The following ZNF33A variants were observed in gnomAD, a reference collection of about 807,000 sequenced individuals.
ZNF33A encodes the protein zinc finger protein 33A.
Under a neutral mutation model 15.9 loss-of-function variants are expected in ZNF33A, and 9 were observed. The ratio of observed to expected loss-of-function variants is 0.57; its 90% CI spans 0.34 to 0.99. The LOEUF (loss-of-function observed/expected upper bound fraction) is 0.99. Ranked by LOEUF, ZNF33A falls within the 50% of genes least tolerant of loss-of-function variation. The pLI is 0.02. For missense variants in ZNF33A, 843 were observed against 941.6 expected, an observed-to-expected ratio of 0.90 and a Z score of 1.37; for synonymous variants, 294 against 324.2, an observed-to-expected ratio of 0.91 and a Z score of 1.00.
Position 38,016,927 on chromosome 10 carries a change from C to T in ZNF33A, c.66C>T (p.Thr22=). ...VSFKDVTVGF[T]QEEWQHLDPS... The stretch of plus-strand genomic sequence containing the variant: ...TTAAAGATGTGACTGTGGGCTTCAC[C>T]CAGGAGGAGTGGCAGCACCTGGACC... Residue 22 remains threonine (T), a synonymous_variant, in exon 3 of 5, where the codon ACC becomes ACT. Coordinates refer to ENST00000432900, the MANE Select transcript of ZNF33A (RefSeq NM_006954.2). The T allele has an allele frequency of 1.4e-5, 22 of 1,613,884 alleles. No homozygotes were observed. Among genetic ancestry groups the T allele is most frequent in the Non-Finnish European group, 1.9e-5 (22 of 1,179,996 alleles).
intron 4 of ZNF33A, among the ~76,000 whole-genome samples, chr10:38,042,816 G>A (rs1222505996): frequency 4.6e-5 from 7 of 152,114 alleles, no homozygotes; most frequent in Admixed American, 2.6e-4. Context: ...GCCTCCCAAA[G>A]TGTTGGGATT....
Position 38,058,878 on chromosome 10 carries a change from C to A in ZNF33A, c.*2318C>A, listed in dbSNP as rs2472165. Reference sequence around the variant, plus strand: ...AAATGATACCAAGTCTCTACCATCTCTTTCAGAAAATAAAAGCAGAGATAA... The same window carrying A: ...AAATGATACCAAGTCTCTACCATCTATTTCAGAAAATAAAAGCAGAGATAA... On this transcript the variant is annotated 3_prime_UTR_variant, in exon 5 of 5. Transcript: ENST00000432900. 1 of 152,154 alleles carries A rather than the reference C, an allele frequency of 6.6e-6. No homozygotes were observed. Among genetic ancestry groups the A allele is most frequent in the African/African-American group, 2.4e-5 (1 of 41,442 alleles). The allele number at this position is 152,154 out of a possible 1,614,324, so 9.4% of individuals were successfully genotyped here.
In ZNF33A at chr10:38,056,352, A is replaced by G. The variant is rs1422619331; in HGVS notation, c.2228A>G (p.His743Arg). 6 of 1,614,050 alleles carry G rather than the reference A, an allele frequency of 3.7e-6. No homozygotes were observed. Among genetic ancestry groups the G allele is most frequent in the South Asian group, 1.1e-5 (1 of 91,092 alleles). ...GAACTTGCTCAACATCAGAGATCAC[A>G]TACAGGGGAAAAGCCCTATGAATGT... ...KSELAQHQRS[H>R]TGEKPYECNT... The change falls in exon 5 of 5, where the codon CAT (histidine) becomes CGT (arginine). Residue 743 changes from histidine (H) to arginine (R), a missense_variant. Coordinates refer to ENST00000432900, the MANE Select transcript of ZNF33A (RefSeq NM_006954.2).
chr10:38,020,188 A>T (rs565772018), intron 4 of ZNF33A, among the ~76,000 whole-genome samples: 3 of 152,364 alleles, frequency 2.0e-5, no homozygotes, highest in South Asian at 4.1e-4. Flanking sequence ...TAATTAAAAT[A>T]TAAACTGATA....
chr10:38,047,190 C>CAA (rs61278605), intron 4 of ZNF33A, among the ~76,000 whole-genome samples: 20,742 of 62,212 alleles, frequency 0.33, 2,951 homozygotes, highest in Middle Eastern at 0.37. Flanking sequence ...CCACCCCTGC[C>CAA]AAAAAAAAAA....
At chr10:38,032,443 A>G (rs923906432) in intron 4 of ZNF33A, among the ~76,000 whole-genome samples, 2 of 151,806 alleles carry the variant, frequency 1.3e-5, no homozygotes, top group African/African-American at 4.8e-5. Context: ...ATTCCTGACA[A>G]TTTTTTTTAC....
At chr10:38,036,226 T>TG (rs2065448009) in intron 4 of ZNF33A, among the ~76,000 whole-genome samples, 2 of 152,060 alleles carry the variant, frequency 1.3e-5, no homozygotes, top group South Asian at 4.1e-4. Flanking sequence ...GATTACCTGA[T>TG]GTCAGGAGTT....
intron 4 of ZNF33A, chr10:38,039,617 T>A: frequency 2.2e-6 from 1 of 452,376 alleles, no homozygotes; most frequent in South Asian, 1.6e-5. Context: ...TTGGTTTTAG[T>A]TGTTTTTGTT....
In ZNF33A at chr10:38,057,186, A is replaced by G; in HGVS notation, c.*626A>G. On this transcript the variant is annotated 3_prime_UTR_variant, in exon 5 of 5. Transcript: ENST00000432900. ...TTACGACTTTTACATTTGAGTAACC[A>G]TCAACACGATTAGTTTACAGAACTG... 1.0e-6 allele frequency: 1 copy of G among 981,740 alleles called. No homozygotes were observed. The highest frequency in any genetic ancestry group is 1.2e-6 in the Non-Finnish European group (1 of 826,434). 60.8% of individuals were successfully genotyped at this position (981,740 alleles called of 1,614,324 possible).
intron 1 of ZNF33A, among the ~76,000 whole-genome samples, chr10:38,011,631 A>C (rs567469069): frequency 2.0e-4 from 31 of 152,270 alleles, no homozygotes; most frequent in African/African-American, 7.5e-4. Flanking sequence ...TAGAAGAAAA[A>C]GATTTTTTTT....
At chr10:38,016,616 G>T (rs1310944357) in intron 2 of ZNF33A, among the ~76,000 whole-genome samples, 2 of 152,114 alleles carry the variant, frequency 1.3e-5, no homozygotes, top group Admixed American at 1.3e-4. Flanking sequence ...TTACCACTCT[G>T]TGTGTTCTTT....
intron 4 of ZNF33A, among the ~76,000 whole-genome samples, chr10:38,024,836 C>G (rs1250860596): frequency 6.6e-6 from 1 of 152,244 alleles, no homozygotes; most frequent in African/African-American, 2.4e-5. Flanking sequence ...TTGCACTGTC[C>G]TGTCCCAGGA....
intron 4 of ZNF33A, among the ~76,000 whole-genome samples, chr10:38,041,794 A>C (rs2135696946): frequency 6.6e-6 from 1 of 152,336 alleles, no homozygotes; most frequent in South Asian, 2.1e-4. Flanking sequence ...CATTTCAGAT[A>C]AGGGATACTC....
chr10:38,046,451 A>ACTG (rs2065949926), intron 4 of ZNF33A, among the ~76,000 whole-genome samples: 1 of 152,190 alleles, frequency 6.6e-6, no homozygotes. Flanking sequence ...TGTGCCCCAA[A>ACTG]CTGAGCACTG....
In ZNF33A at chr10:38,054,616, A is replaced by G. The variant is rs762434852; in HGVS notation, c.492A>G (p.Gly164=). ...ELVISKINYL[G]KKSDEFNACG... ...TTATCAGTAAGATAAACTATTTAGG[A>G]AAAAAGTCTGATGAATTTAATGCCT... Residue 164 remains glycine (G), a synonymous_variant, in exon 5 of 5, where the codon GGA becomes GGG. Coordinates refer to ENST00000432900, the MANE Select transcript of ZNF33A (RefSeq NM_006954.2). 8 of 1,612,456 alleles carry G rather than the reference A, an allele frequency of 5.0e-6. No individual in the cohort carries two copies. Among genetic ancestry groups the G allele is most frequent in the South Asian group, 1.1e-5 (1 of 90,568 alleles).
In ZNF33A at chr10:38,057,811, A is replaced by T; in HGVS notation, c.*1251A>T. The T allele has an allele frequency of 3.0e-6, 3 of 985,448 alleles. No homozygotes were observed. Among genetic ancestry groups the T allele is most frequent in the Non-Finnish European group, 3.6e-6 (3 of 830,006 alleles). 61.0% of individuals were successfully genotyped at this position (985,448 alleles called of 1,614,324 possible). A position where few individuals can be genotyped will look rare whatever the true frequency, so the allele number is the denominator to read the frequency against. On this transcript the variant is annotated 3_prime_UTR_variant, in exon 5 of 5. Transcript: ENST00000432900. ...TTTCTTTAAGCAGCTGCTCTCCAAG[A>T]CAGGGCCCTGGAAAGGCCCACACAT...
chr10:38,048,217 T>C (rs189283699), intron 4 of ZNF33A, among the ~76,000 whole-genome samples: 9 of 152,324 alleles, frequency 5.9e-5, no homozygotes, highest in Admixed American at 4.6e-4. Flanking sequence ...ACAGGAAATA[T>C]TGACTACTTG....
At chr10:38,062,442 C>CA (rs2066666131), downstream of ZNF33A, among the ~76,000 whole-genome samples, 1 of 152,194 alleles carries the variant, frequency 6.6e-6, no homozygotes, top group South Asian at 2.1e-4. Context: ...TGAAAAAAAT[C>CA]AAACTCAACA....
chr10:38,053,190 T>G (rs1479023378), intron 4 of ZNF33A, among the ~76,000 whole-genome samples: 2 of 152,280 alleles, frequency 1.3e-5, no homozygotes, highest in South Asian at 2.1e-4. Context: ...GTAACAAAAT[T>G]CAACAGACTG....
Sources: gnomAD v4.1 joint callset for allele counts (sites outside exome capture counted in the v4.1 genomes callset) on GRCh38, gnomAD v4.1.1 for gene constraint, MANE v1.5 for transcripts, NCBI Gene and HGNC (gene_info 2026-07-23, HGNC 2026-07-21) for gene names.